Variants in CLCN3 observed in about 807,000 individuals in gnomAD.
The protein encoded by CLCN3 is Cl-/H+ antiporter 3.
In CLCN3, 16 loss-of-function variants were observed where a neutral mutation model predicts 83.4. The ratio of observed to expected loss-of-function variants is 0.19; its 90% CI spans 0.13 to 0.29. CLCN3 has a LOEUF of 0.29. Ranked by LOEUF, CLCN3 falls within the 10% of genes least tolerant of loss-of-function variation. The pLI, the probability that CLCN3 is intolerant of heterozygous loss-of-function variation, is 1.00. For missense variants in CLCN3, 544 were observed against 1,006.0 expected (o/e 0.54, Z 6.21); for synonymous variants, 322 against 346.2 (o/e 0.93, Z 0.78).
chr4:169,660,271 C>T, intron 2 of CLCN3: 4 of 1,288,018 alleles, frequency 3.1e-6, no homozygotes, highest in Middle Eastern at 2.9e-4. Context: ...ATGGCATCTC[C>T]CTTGCTTGCT....
At chr4:169,661,432 A>G (rs772275888) in intron 2 of CLCN3, among the ~76,000 whole-genome samples, 20 of 152,230 alleles carry the variant, frequency 1.3e-4, no homozygotes, top group Admixed American at 7.2e-4. Context: ...TTTAAAATAT[A>G]CTTTGTGTTC....
rs1733634244 is a variant in CLCN3, at chr4:169,721,384, G to C, written c.*1387G>C. On this transcript the variant is annotated 3_prime_UTR_variant, in exon 13 of 13. Coordinates refer to ENST00000513761, the MANE Select transcript of CLCN3 (RefSeq NM_001829.4). ...CCAGTGTGCACATAAACCTTTCTCTGATCTTTCACTGCCATCCTCTGGATT... is the reference window on the plus strand; with the variant it reads ...CCAGTGTGCACATAAACCTTTCTCTCATCTTTCACTGCCATCCTCTGGATT... 1 of 152,110 alleles carries C rather than the reference G, an allele frequency of 6.6e-6. No individual in the cohort carries two copies. The highest frequency in any genetic ancestry group is 1.5e-5 in the Non-Finnish European group (1 of 68,032). 9.4% of individuals were successfully genotyped at this position (152,110 alleles called of 1,614,324 possible).
chr4:169,708,253 A>T (rs1733067901), intron 11 of CLCN3, among the ~76,000 whole-genome samples: 1 of 152,172 alleles, frequency 6.6e-6, no homozygotes, highest in Non-Finnish European at 1.5e-5. Flanking sequence ...TATGTGGGGG[A>T]GTGTTTCTCA....
chr4:169,646,899 G>A (rs1730588928), intron 2 of CLCN3, among the ~76,000 whole-genome samples: 1 of 152,198 alleles, frequency 6.6e-6, no homozygotes, highest in African/African-American at 2.4e-5. Flanking sequence ...ACCTGATTCA[G>A]ATTAGTTTTG....
In CLCN3 at chr4:169,620,607, C is replaced by G. The variant is rs1019624378; in HGVS notation, c.-473C>G. On this transcript the variant is annotated 5_prime_UTR_variant, in exon 1 of 13. Coordinates refer to ENST00000513761, the MANE Select transcript of CLCN3 (RefSeq NM_001829.4). ...TCCCCTTCCGTGGGTCAGGGCCGGT[C>G]CGGTCCGGAACCTGCAGCCCCTTTC... is the stretch of plus-strand genomic sequence containing the variant. 1.5e-5 allele frequency: 6 copies of G among 397,192 alleles called. No homozygotes were observed. Among genetic ancestry groups the G allele is most frequent in the Non-Finnish European group, 2.2e-5 (5 of 225,838 alleles). 24.6% of individuals were successfully genotyped at this position (397,192 alleles called of 1,614,324 possible).
intron 2 of CLCN3, among the ~76,000 whole-genome samples, chr4:169,677,623 A>G (rs1731731776): frequency 6.6e-6 from 1 of 152,238 alleles, no homozygotes; most frequent in African/African-American, 2.4e-5. Context: ...GCTGCAAGAA[A>G]AAAACCTAGA....
chr4:169,639,852 T>G (rs1181452364), intron 2 of CLCN3, among the ~76,000 whole-genome samples: 1 of 152,232 alleles, frequency 6.6e-6, no homozygotes, highest in African/African-American at 2.4e-5. Flanking sequence ...CTGATAGTGT[T>G]TTTTTGAATA....
intron 2 of CLCN3, among the ~76,000 whole-genome samples, chr4:169,646,511 G>T (rs970845614): frequency 6.6e-6 from 1 of 152,030 alleles, no homozygotes; most frequent in Non-Finnish European, 1.5e-5. Flanking sequence ...GGCCAGGCTG[G>T]TCTCGAATTC....
intron 2 of CLCN3, among the ~76,000 whole-genome samples, chr4:169,676,626 C>T (rs909025166): frequency 1.9e-4 from 29 of 151,016 alleles, no homozygotes; most frequent in Admixed American, 7.3e-4. Context: ...GCTGGGACTA[C>T]AGACACATAT....
chr4:169,632,971 C>T (rs1446400754), intron 1 of CLCN3, among the ~76,000 whole-genome samples: 1 of 151,878 alleles, frequency 6.6e-6, no homozygotes, highest in African/African-American at 2.4e-5. Flanking sequence ...ATTAGGTAAA[C>T]GAGGCCTTAT....
intron 2 of CLCN3, among the ~76,000 whole-genome samples, chr4:169,674,471 TC>T (rs1175648887): frequency 3.3e-5 from 5 of 152,182 alleles, no homozygotes; most frequent in Admixed American, 2.0e-4. Flanking sequence ...AATTGCTTTT[TC>T]TCAAGAAAAT....
At chr4:169,702,493 T>G (rs1732827901) in intron 9 of CLCN3, among the ~76,000 whole-genome samples, 1 of 151,942 alleles carries the variant, frequency 6.6e-6, no homozygotes, top group African/African-American at 2.4e-5. Flanking sequence ...TTAAAATAGT[T>G]AGTAAACCAT....
chr4:169,630,214 T>C (rs1773334695), intron 1 of CLCN3, among the ~76,000 whole-genome samples: 1 of 152,200 alleles, frequency 6.6e-6, no homozygotes, highest in African/African-American at 2.4e-5. Context: ...CGGTTTGGGG[T>C]ACAGTTGTAC....
intron 2 of CLCN3, among the ~76,000 whole-genome samples, chr4:169,641,837 C>T (rs994314812): frequency 1.3e-5 from 2 of 151,994 alleles, no homozygotes; most frequent in South Asian, 2.1e-4. Context: ...CTCTAAGAGG[C>T]GGATTCATAT....
At chr4:169,702,793 A>AG (rs1732843960) in intron 9 of CLCN3, 2 of 328,666 alleles carry the variant, frequency 6.1e-6, no homozygotes, top group East Asian at 8.8e-5. Context: ...AAAAAAAAAA[A>AG]AAAAGAAAGC....
At chr4:169,656,759 G>A (rs1265451095) in intron 2 of CLCN3, among the ~76,000 whole-genome samples, 1 of 152,060 alleles carries the variant, frequency 6.6e-6, no homozygotes, top group Non-Finnish European at 1.5e-5. Flanking sequence ...AACGTTGTAA[G>A]ACCTATCTCT....
chr4:169,644,665 A>C (rs917069503), intron 2 of CLCN3, among the ~76,000 whole-genome samples: 3 of 152,198 alleles, frequency 2.0e-5, no homozygotes, highest in African/African-American at 7.2e-5. Context: ...AAGACAAAGA[A>C]TGTTATGGTC....
intron 2 of CLCN3, among the ~76,000 whole-genome samples, chr4:169,668,550 A>G (rs563370237): frequency 2.6e-5 from 4 of 152,124 alleles, no homozygotes; most frequent in Non-Finnish European, 4.4e-5. Context: ...ATTTGACTCT[A>G]GGTCTTTCTG....
intron 4 of CLCN3, among the ~76,000 whole-genome samples, chr4:169,688,053 G>A (rs888011106): frequency 3.3e-5 from 5 of 152,092 alleles, no homozygotes; most frequent in African/African-American, 4.8e-5. Context: ...TATTAACATC[G>A]TAATAAATAG....
Sources: allele counts gnomAD v4.1 joint callset (sites outside exome capture counted in the v4.1 genomes callset), GRCh38; gene constraint gnomAD v4.1.1; transcripts MANE v1.5; gene names NCBI Gene and HGNC (gene_info 2026-07-23, HGNC 2026-07-21).